Variants in NTM observed in about 807,000 individuals in gnomAD.
The protein encoded by NTM is IgLON family member 2.
NTM carries 13 observed loss-of-function variants against 42.1 expected under a neutral mutation model. That is an observed-to-expected ratio of 0.31 (90% CI 0.20 to 0.49). NTM has a LOEUF of 0.49. Among genes scored for constraint, NTM ranks in the 20% least tolerant of loss-of-function variants. NTM has a pLI of 0.99. For synonymous variants in NTM, 187 were observed against 179.2 expected, an observed-to-expected ratio of 1.04 and a Z score of -0.35; for missense variants, 373 against 452.8, an observed-to-expected ratio of 0.82 and a Z score of 1.60.
chr11:131,962,210 C>G (rs536964478), intron 2 of NTM, among the ~76,000 whole-genome samples: 7 of 152,280 alleles, frequency 4.6e-5, no homozygotes, highest in African/African-American at 1.7e-4. Context: ...TCATCTTTCT[C>G]TTTAAAGCAG....
intron 2 of NTM, among the ~76,000 whole-genome samples, chr11:131,998,222 C>A (rs907569462): frequency 6.6e-6 from 1 of 152,142 alleles, no homozygotes; most frequent in Non-Finnish European, 1.5e-5. Context: ...ATTTTAAGGG[C>A]CCCTGAGTTT....
intron 1 of NTM, among the ~76,000 whole-genome samples, chr11:131,726,861 G>T (rs2079032975): frequency 6.6e-6 from 1 of 151,256 alleles, no homozygotes; most frequent in Non-Finnish European, 1.5e-5. Flanking sequence ...ATACAGGTGT[G>T]CACCACCATG....
intron 2 of NTM, among the ~76,000 whole-genome samples, chr11:132,103,665 C>CT (rs2136606797): frequency 6.6e-6 from 1 of 152,340 alleles, no homozygotes; most frequent in Admixed American, 6.5e-5. Context: ...CATGTAGATA[C>CT]TTAACCCTAA....
intron 1 of NTM, among the ~76,000 whole-genome samples, chr11:131,651,612 C>T (rs2066486340): frequency 6.6e-6 from 1 of 152,114 alleles, no homozygotes; most frequent in African/African-American, 2.4e-5. Context: ...GAGACCGAGG[C>T]AGGTGGATCA....
intron 1 of NTM, among the ~76,000 whole-genome samples, chr11:131,748,800 C>G (rs1441158093): frequency 1.1e-4 from 17 of 152,196 alleles, no homozygotes; most frequent in Admixed American, 1.1e-3. Context: ...TTCTCTTTCT[C>G]TCCACTACCC....
At chr11:131,374,288 C>T (rs1405021026) in intron 1 of NTM, among the ~76,000 whole-genome samples, 1 of 152,204 alleles carries the variant, frequency 6.6e-6, no homozygotes, top group Non-Finnish European at 1.5e-5. Context: ...TATTAGGAGG[C>T]CACCCCACCA....
rs1178227748 is a variant in NTM at position 132,009,674 on chromosome 11, A to G, written c.167+98026A>G. Among the ~76,000 whole-genome samples the G allele has an allele frequency of 4.6e-5, 7 of 152,318 alleles. 1 individual carries two copies. The highest frequency in any genetic ancestry group is 1.7e-4 in the African/African-American group (7 of 41,574). ...CACACTTGGAAGATGGCATTATAAG[A>G]CTGCTTCCAAGGAAAGCGTGCTTTT... On this transcript the variant is annotated intron_variant, in intron 2 of 8. Coordinates refer to ENST00000683400, the MANE Select transcript of NTM (RefSeq NM_001352005.2).
At position 132,180,871 on chromosome 11, in the gene NTM, T is replaced by G. The variant is rs115753780; in HGVS notation, c.401-31151T>G. On this transcript the variant is annotated intron_variant, in intron 3 of 8. Coordinates refer to ENST00000683400, the MANE Select transcript of NTM (RefSeq NM_001352005.2). ...CGCTACTACCAGCCCCAGGCCAACA[T>G]AGGCCCCTTCCTGGAAGAAGCTTCA... Among the ~76,000 whole-genome samples the G allele has an allele frequency of 5.1e-3, 778 of 152,068 alleles. 4 individuals are homozygous for G. Among genetic ancestry groups the G allele is most frequent in the African/African-American group, 0.018 (728 of 41,482 alleles).
chr11:132,034,617 C>T (rs1004791208), intron 2 of NTM, among the ~76,000 whole-genome samples: 1 of 152,338 alleles, frequency 6.6e-6, no homozygotes, highest in African/African-American at 2.4e-5. Flanking sequence ...TGTTTCTCCA[C>T]CTTTGACACC....
At chr11:131,525,092 G>T (rs1171076886) in intron 1 of NTM, among the ~76,000 whole-genome samples, 2 of 152,064 alleles carry the variant, frequency 1.3e-5, no homozygotes, top group Admixed American at 1.3e-4. Context: ...CAGGGGGCGG[G>T]TATTGCCAGA....
chr11:132,217,060 G>T (rs1041731540), intron 4 of NTM, among the ~76,000 whole-genome samples: 1 of 152,158 alleles, frequency 6.6e-6, no homozygotes, highest in African/African-American at 2.4e-5. Flanking sequence ...TCCTTCTGCT[G>T]TCATGGCTGC....
chr11:131,888,612 A>G (rs2050765438), intron 1 of NTM, among the ~76,000 whole-genome samples: 1 of 152,162 alleles, frequency 6.6e-6, no homozygotes. Context: ...TCGCAGATGT[A>G]AAATCCTCAC....
chr11:131,489,153 T>A (rs1206923762), intron 1 of NTM, among the ~76,000 whole-genome samples: 1 of 152,202 alleles, frequency 6.6e-6, no homozygotes, highest in Non-Finnish European at 1.5e-5. Flanking sequence ...CCTTTTTCTT[T>A]AACTGTCATT....
At position 132,250,701 on chromosome 11, in the gene NTM, A is replaced by G. The variant is rs537597714; in HGVS notation, c.526+38554A>G. Among the ~76,000 whole-genome samples the G allele has an allele frequency of 2.0e-5, 3 of 150,836 alleles. No individual in the cohort carries two copies. The South Asian group carries it at 6.3e-4, about 32-fold the overall frequency. ...CCAGTATTTTTAATTTTTCTTTTCTAGAAGTCCTATTTTTACTTTTTTTCC... is the reference window on the plus strand; with the variant it reads ...CCAGTATTTTTAATTTTTCTTTTCTGGAAGTCCTATTTTTACTTTTTTTCC... On this transcript the variant is annotated intron_variant, in intron 4 of 8. Transcript: ENST00000683400.
At chr11:131,528,863 CATTTG>C (rs770413444) in intron 1 of NTM, among the ~76,000 whole-genome samples, 190 of 152,268 alleles carry the variant, frequency 1.2e-3, no homozygotes, top group Middle Eastern at 6.8e-3. Flanking sequence ...GATGTTTAGA[CATTTG>C]ATTTGATTTG....
chr11:132,294,599 A>T (rs2094551562), intron 4 of NTM, among the ~76,000 whole-genome samples: 1 of 152,190 alleles, frequency 6.6e-6, no homozygotes. Context: ...AATGCAACTT[A>T]CATCGAGCAG....
intron 1 of NTM, among the ~76,000 whole-genome samples, chr11:131,727,737 T>G (rs1270413727): frequency 6.6e-6 from 1 of 152,084 alleles, no homozygotes; most frequent in African/African-American, 2.4e-5. Flanking sequence ...TCTGCATTGC[T>G]CTCCTTTACC....
In NTM at chr11:132,146,553, A is replaced by G. The variant is rs1284885374; in HGVS notation, c.400+39A>G. On this transcript the variant is annotated intron_variant, in intron 3 of 8. Transcript: ENST00000683400. The surrounding 1 kb of genome is among the most constrained non-coding windows in gnomAD (Gnocchi z 4.5). Reference sequence around the variant, plus strand: ...GCTTGGCGGGGAGATCTGGCTGGCCAGCCTGGAAAGCCTTCAGGTAAAGGT... The same window carrying G: ...GCTTGGCGGGGAGATCTGGCTGGCCGGCCTGGAAAGCCTTCAGGTAAAGGT... The G allele has an allele frequency of 1.2e-6, 2 of 1,600,416 alleles. No homozygotes were observed. The highest frequency in any genetic ancestry group is 1.3e-5 in the African/African-American group (1 of 74,618).
intron 1 of NTM, among the ~76,000 whole-genome samples, chr11:131,586,848 T>A (rs1343347990): frequency 6.6e-6 from 1 of 152,200 alleles, no homozygotes; most frequent in African/African-American, 2.4e-5. Context: ...TGTTTTCAAC[T>A]CTTTGGAAAG....
Sources: gnomAD v4.1 joint callset for allele counts (sites outside exome capture counted in the v4.1 genomes callset) on GRCh38, gnomAD v4.1.1 for gene constraint, Gnocchi (gnomAD v3.1) non-coding constraint, MANE v1.5 for transcripts, NCBI Gene and HGNC (gene_info 2026-07-23, HGNC 2026-07-21) for gene names.